The following OPCML variants were observed in gnomAD, a reference collection of about 807,000 sequenced individuals.
OPCML encodes the protein opioid-binding protein/cell adhesion molecule.
Under a neutral mutation model 37.8 loss-of-function variants are expected in OPCML, and 13 were observed. The ratio of observed to expected loss-of-function variants is 0.34; its 90% confidence interval spans 0.22 to 0.55. OPCML has a LOEUF of 0.55. Among genes scored for constraint, OPCML ranks in the 20% least tolerant of loss-of-function variants. OPCML has a pLI of 0.91. For synonymous variants in OPCML, 176 were observed against 168.8 expected, an observed-to-expected ratio of 1.04 and a Z score of -0.33; for missense variants, 341 against 435.6, an observed-to-expected ratio of 0.78 and a Z score of 1.93.
At chr11:132,562,566 C>T (rs749973429) in intron 3 of OPCML, among the ~76,000 whole-genome samples, 2 of 152,044 alleles carry the variant, frequency 1.3e-5, no homozygotes, top group Non-Finnish European at 2.9e-5. Flanking sequence ...CATGCCTATG[C>T]TATTTTTGAT....
chr11:132,859,723 A>C (rs1244174072), intron 2 of OPCML: 1 of 152,246 alleles, frequency 6.6e-6, no homozygotes, highest in Non-Finnish European at 1.5e-5. Flanking sequence ...TAAGAGACAA[A>C]TGAGAGTACA....
intron 1 of OPCML, among the ~76,000 whole-genome samples, chr11:133,028,844 C>A: frequency 1.3e-5 from 2 of 148,730 alleles, no homozygotes; most frequent in African/African-American, 2.5e-5. Flanking sequence ...GCCACAAAAA[C>A]AAAAATTGAC....
At chr11:133,457,003 G>A (rs1041226113) in intron 1 of OPCML, among the ~76,000 whole-genome samples, 5 of 152,092 alleles carry the variant, frequency 3.3e-5, no homozygotes, top group African/African-American at 9.7e-5. Flanking sequence ...ATACGGACAC[G>A]CAAATACAAG....
rs562240770 is a variant in OPCML, at chr11:133,024,591, T to C, written c.62-81581A>G. ...GAACTACACAGGGATTTTTGCCCTG[T>C]GAATATTTAATTGCAACTTGCAAAA... is the stretch of plus-strand genomic sequence containing the variant. On this transcript the variant is annotated intron_variant, in intron 1 of 7. Coordinates refer to ENST00000524381, the MANE Select transcript of OPCML (RefSeq NM_001012393.5). The C allele has an allele frequency of 1.6e-5, 16 of 984,022 alleles. No homozygotes were observed. In the East Asian group the frequency reaches 1.5e-3, roughly 91 times the overall value. The allele number at this position is 984,022 out of a possible 1,614,324, so 61.0% of individuals were successfully genotyped here.
At chr11:133,438,186 G>A (rs377282538) in intron 1 of OPCML, among the ~76,000 whole-genome samples, 6 of 152,314 alleles carry the variant, frequency 3.9e-5, no homozygotes, top group East Asian at 1.9e-4. Flanking sequence ...GCGGTGAGAA[G>A]TGTAAGAATA....
intron 1 of OPCML, among the ~76,000 whole-genome samples, chr11:133,445,909 G>C (rs1256753107): frequency 2.0e-5 from 3 of 152,142 alleles, no homozygotes; most frequent in African/African-American, 4.8e-5. Context: ...GAGAAGGAAG[G>C]GGGGGCTGCC....
intron 4 of OPCML, among the ~76,000 whole-genome samples, chr11:132,493,954 G>A (rs1385966825): frequency 1.3e-5 from 2 of 152,158 alleles, no homozygotes; most frequent in Non-Finnish European, 1.5e-5. Flanking sequence ...GTGGGAGCAC[G>A]GGCAACCTCT....
intron 3 of OPCML, 56 bp downstream of exon 3, chr11:132,657,031 G>C: frequency 6.3e-7 from 1 of 1,588,132 alleles, no homozygotes. Context: ...CACCAACACT[G>C]TTCTTCCCCT....
intron 1 of OPCML, among the ~76,000 whole-genome samples, chr11:133,353,035 A>G (rs1034640107): frequency 1.5e-4 from 23 of 152,226 alleles, no homozygotes; most frequent in Non-Finnish European, 3.4e-4. Context: ...TATAGGCTGT[A>G]TGTCTAAATA....
At chr11:132,437,032 C>T in intron 5 of OPCML, 190 bp downstream of exon 5, 7 of 850,496 alleles carry the variant, frequency 8.2e-6, no homozygotes, top group Non-Finnish European at 9.9e-6. Flanking sequence ...TTGCTGAAAA[C>T]TCTGGCAGTC....
chr11:133,248,527 T>C (rs1232561749), intron 1 of OPCML, among the ~76,000 whole-genome samples: 3 of 152,196 alleles, frequency 2.0e-5, no homozygotes, highest in Non-Finnish European at 2.9e-5. Context: ...AACTTTCTAG[T>C]GATATCAGTC....
At chr11:132,459,530 C>T (rs1484163770) in intron 4 of OPCML, among the ~76,000 whole-genome samples, 3 of 147,860 alleles carry the variant, frequency 2.0e-5, no homozygotes, top group Non-Finnish European at 4.5e-5. Flanking sequence ...TATATACACA[C>T]ATATACATAT....
chr11:132,999,062 T>A (rs148150642), intron 1 of OPCML, among the ~76,000 whole-genome samples: 2 of 152,340 alleles, frequency 1.3e-5, no homozygotes, highest in African/African-American at 4.8e-5. Flanking sequence ...TTGTGTGATG[T>A]CAACTAGCTG....
intron 7 of OPCML, among the ~76,000 whole-genome samples, chr11:132,424,226 T>A (rs1047805645): frequency 6.6e-6 from 1 of 151,948 alleles, no homozygotes; most frequent in Non-Finnish European, 1.5e-5. Context: ...TTCACGCCGT[T>A]CTCCTGCCTC....
At chr11:132,997,079 C>T (rs1293997033) in intron 1 of OPCML, among the ~76,000 whole-genome samples, 1 of 152,120 alleles carries the variant, frequency 6.6e-6, no homozygotes, top group Admixed American at 6.5e-5. Flanking sequence ...TTAAAGGAGC[C>T]TTTTACCCCT....
intron 2 of OPCML, among the ~76,000 whole-genome samples, chr11:132,878,181 C>CA (rs11426663): frequency 0.5 from 73,893 of 147,580 alleles, 19,098 homozygotes; most frequent in Non-Finnish European, 0.6. Flanking sequence ...AATTCCATCT[C>CA]AAAAAAAAAA....
At chr11:132,970,503 C>A (rs749523005) in intron 1 of OPCML, among the ~76,000 whole-genome samples, 5 of 152,114 alleles carry the variant, frequency 3.3e-5, no homozygotes, top group Admixed American at 1.3e-4. Context: ...AGGCTGATCT[C>A]CTTTGGAATC....
At chr11:132,546,086 C>A (rs1386160396) in intron 3 of OPCML, among the ~76,000 whole-genome samples, 2 of 152,094 alleles carry the variant, frequency 1.3e-5, no homozygotes, top group Non-Finnish European at 2.9e-5. Flanking sequence ...AATTTTTAAA[C>A]GTTTTCCAAT....
At chr11:133,296,876 C>T (rs537076778) in intron 1 of OPCML, among the ~76,000 whole-genome samples, 8 of 152,306 alleles carry the variant, frequency 5.3e-5, no homozygotes, top group Non-Finnish European at 7.4e-5. Flanking sequence ...AGAACCCACA[C>T]AATAATTTGA....
Sources: allele counts gnomAD v4.1 joint callset (sites outside exome capture counted in the v4.1 genomes callset), GRCh38; gene constraint gnomAD v4.1.1; transcripts MANE v1.5; gene names NCBI Gene and HGNC (gene_info 2026-07-23, HGNC 2026-07-21).